The following CTNNA3 variants were observed in gnomAD, a reference collection of about 807,000 sequenced individuals.
The protein encoded by CTNNA3 is catenin alpha 3.
In CTNNA3, 76 loss-of-function variants were observed where a neutral mutation model predicts 95.7. That is an observed-to-expected ratio of 0.79 (90% CI 0.66 to 0.96). The LOEUF (loss-of-function observed/expected upper bound fraction) is 0.96, where lower values mean the gene tolerates loss of function less well. Ranked by LOEUF, CTNNA3 falls within the 40% of genes least tolerant of loss-of-function variation. The pLI, the probability that CTNNA3 is intolerant of heterozygous loss-of-function variation, is 0.00. For synonymous variants in CTNNA3, 431 were observed against 374.4 expected (o/e 1.15, Z -1.74); for missense variants, 1,191 against 1,089.8 (o/e 1.09, Z -1.31).
chr10:66,412,483 CAG>C (rs2093113782), intron 11 of CTNNA3, among the ~76,000 whole-genome samples: 1 of 126,134 alleles, frequency 7.9e-6, no homozygotes, highest in African/African-American at 3.0e-5. Flanking sequence ...TTTTTTGAGA[CAG>C]AGTCTCACTC....
At chr10:66,192,042 C>A (rs2086700843) in intron 13 of CTNNA3, among the ~76,000 whole-genome samples, 1 of 152,106 alleles carries the variant, frequency 6.6e-6, no homozygotes, top group African/African-American at 2.4e-5. Context: ...CAGATGACAG[C>A]CTCTTGATAT....
At chr10:66,603,114 A>G (rs1843992004) in intron 10 of CTNNA3, among the ~76,000 whole-genome samples, 1 of 152,116 alleles carries the variant, frequency 6.6e-6, no homozygotes, top group South Asian at 2.1e-4. Context: ...AAAGAAACAA[A>G]GAAAGGGCAT....
intron 9 of CTNNA3, among the ~76,000 whole-genome samples, chr10:66,755,179 CATT>C (rs1839315071): frequency 6.6e-6 from 1 of 152,114 alleles, no homozygotes; most frequent in Admixed American, 6.6e-5. Context: ...ACCTTGAAAA[CATT>C]ATGCCAAGTG....
At chr10:67,020,226 C>T (rs1191101045) in intron 7 of CTNNA3, among the ~76,000 whole-genome samples, 1 of 152,102 alleles carries the variant, frequency 6.6e-6, no homozygotes, top group Non-Finnish European at 1.5e-5. Context: ...AAAATATCAT[C>T]CTAACAAATG....
At chr10:67,482,468 C>G (rs1290653690) in intron 5 of CTNNA3, among the ~76,000 whole-genome samples, 1 of 151,862 alleles carries the variant, frequency 6.6e-6, no homozygotes, top group Non-Finnish European at 1.5e-5. Flanking sequence ...CCTTCACGTC[C>G]CTTGTAAGGT....
rs1291746225 is a variant in CTNNA3 at position 67,726,623 on chromosome 10, A to G, written c.-2+36811T>C. On this transcript the variant is annotated intron_variant, in intron 1 of 17. Coordinates refer to the CTNNA3 transcript ENST00000684154. ...TTACATATTATATAATATATAATAT[A>G]TATTATATTATATATAATATATACT... is the stretch of plus-strand genomic sequence containing the variant. 4.0e-4 allele frequency among the ~76,000 whole-genome samples: 3 copies of G among 7,432 alleles called. No individual in the cohort carries two copies. In the East Asian group the frequency reaches 0.023, roughly 57 times the overall value. 4.9% of individuals were successfully genotyped at this position (7,432 alleles called of 152,430 possible). A position where few individuals can be genotyped will look rare whatever the true frequency, so the allele number is the denominator to read the frequency against.
At chr10:66,551,579 AT>A (rs1376637209) in intron 10 of CTNNA3, among the ~76,000 whole-genome samples, 2 of 152,164 alleles carry the variant, frequency 1.3e-5, no homozygotes, top group African/African-American at 4.8e-5. Flanking sequence ...GTATTGTTAC[AT>A]TAGTAATTCC....
rs147239872 is a variant in CTNNA3 at position 66,507,273 on chromosome 10, T to C, written c.1531+13344A>G. Among the ~76,000 whole-genome samples the C allele has an allele frequency of 5.8e-3, 890 of 152,218 alleles. 4 individuals carry two copies. Among genetic ancestry groups the C allele is most frequent in the Non-Finnish European group, 8.5e-3 (581 of 68,006 alleles). ...TATTTATGGGGTACCAAGTGACAGA[T>C]ACATGTATACAGTGTGTGATTATAA... On this transcript the variant is annotated intron_variant, in intron 11 of 17. Transcript: ENST00000433211.
chr10:66,293,855 C>T (rs1001106153), intron 12 of CTNNA3, among the ~76,000 whole-genome samples: 8 of 151,814 alleles, frequency 5.3e-5, no homozygotes, highest in Non-Finnish European at 8.8e-5. Flanking sequence ...TTAGTAGAGA[C>T]GGGGTTTCAA....
At chr10:66,904,159 G>A (rs10997438) in intron 7 of CTNNA3, among the ~76,000 whole-genome samples, 89 of 152,232 alleles carry the variant, frequency 5.8e-4, no homozygotes, top group African/African-American at 2.1e-3. Context: ...GCATGGTACT[G>A]GTACCAAAAC....
intron 9 of CTNNA3, among the ~76,000 whole-genome samples, chr10:66,757,953 G>C (rs1589222076): frequency 6.6e-6 from 1 of 152,090 alleles, no homozygotes; most frequent in Admixed American, 6.5e-5. Flanking sequence ...TTGATATAAT[G>C]AGGTAATGAG....
At chr10:67,388,549 A>T (rs1423193249) in intron 5 of CTNNA3, among the ~76,000 whole-genome samples, 1 of 142,732 alleles carries the variant, frequency 7.0e-6, no homozygotes, top group Non-Finnish European at 1.5e-5. Flanking sequence ...AGATTCAGGA[A>T]ATACAGAGAA....
intron 6 of CTNNA3, among the ~76,000 whole-genome samples, chr10:67,196,320 C>T: frequency 6.6e-6 from 1 of 151,796 alleles, no homozygotes; most frequent in Middle Eastern, 3.2e-3. Flanking sequence ...TACTTTGGTA[C>T]ATTAGTGTAA....
At chr10:67,738,752 C>T (rs1225271215) in intron 1 of CTNNA3, among the ~76,000 whole-genome samples, 1 of 151,820 alleles carries the variant, frequency 6.6e-6, no homozygotes, top group Non-Finnish European at 1.5e-5. Context: ...CTTAAAGGAC[C>T]TGATGAAGCT....
chr10:66,195,667 T>C (rs1460185337), intron 13 of CTNNA3, among the ~76,000 whole-genome samples: 2 of 152,182 alleles, frequency 1.3e-5, no homozygotes, highest in African/African-American at 4.8e-5. Flanking sequence ...TTTCCTTTAT[T>C]GCAATGGAAA....
chr10:66,882,086 A>G (rs1273892921), intron 7 of CTNNA3, among the ~76,000 whole-genome samples: 1 of 152,094 alleles, frequency 6.6e-6, no homozygotes, highest in African/African-American at 2.4e-5. Flanking sequence ...GATTCTCTAC[A>G]TAGGACATGG....
At chr10:66,904,342 CT>C (rs1248872955) in intron 7 of CTNNA3, among the ~76,000 whole-genome samples, 4 of 152,156 alleles carry the variant, frequency 2.6e-5, no homozygotes, top group African/African-American at 4.8e-5. Context: ...GGATCCCTTC[CT>C]TACATCTTAT....
chr10:66,515,990 A>C (rs973163104), intron 11 of CTNNA3, among the ~76,000 whole-genome samples: 1 of 149,480 alleles, frequency 6.7e-6, no homozygotes, highest in Non-Finnish European at 1.5e-5. Context: ...TTTCTAAGAA[A>C]ATCTGTCCCC....
intron 11 of CTNNA3, among the ~76,000 whole-genome samples, chr10:66,436,061 T>A (rs887823266): frequency 1.3e-5 from 2 of 152,112 alleles, no homozygotes; most frequent in African/African-American, 4.8e-5. Context: ...TATTTCCATT[T>A]ATTTGCATTT....
Sources: allele counts gnomAD v4.1 joint callset (sites outside exome capture counted in the v4.1 genomes callset), GRCh38; gene constraint gnomAD v4.1.1; transcripts MANE v1.5; gene names NCBI Gene and HGNC (gene_info 2026-07-23, HGNC 2026-07-21).